ASTN2: variants seen among roughly 807,000 people sequenced by gnomAD.
The protein encoded by ASTN2 is astrotactin-2.
A neutral mutation model predicts 139.8 loss-of-function variants in ASTN2; 54 were observed. That is an observed-to-expected ratio of 0.39 (90% confidence interval 0.31 to 0.48). The LOEUF (loss-of-function observed/expected upper bound fraction) is 0.48. Ranked by LOEUF, ASTN2 falls within the 20% of genes least tolerant of loss-of-function variation. The pLI is 0.95. For synonymous variants in ASTN2, 756 were observed against 719.5 expected (o/e 1.05, Z -0.81); for missense variants, 1,565 against 1,725.1 (o/e 0.91, Z 1.64).
intron 4 of ASTN2, among the ~76,000 whole-genome samples, chr9:117,122,255 G>A (rs2132816408): frequency 6.6e-6 from 1 of 152,340 alleles, no homozygotes; most frequent in African/African-American, 2.4e-5. Context: ...GAAGTCATGA[G>A]CTGGTTCTGT....
chr9:116,446,494 G>A (rs1408363105), intron 20 of ASTN2, among the ~76,000 whole-genome samples: 2 of 152,116 alleles, frequency 1.3e-5, no homozygotes, highest in Non-Finnish European at 2.9e-5. Context: ...AAAATGACTT[G>A]CACAAAGACC....
At chr9:117,295,660 A>T (rs1834712310) in intron 1 of ASTN2, among the ~76,000 whole-genome samples, 1 of 152,074 alleles carries the variant, frequency 6.6e-6, no homozygotes, top group Non-Finnish European at 1.5e-5. Context: ...TCAGTGACTC[A>T]GTAACACACT....
rs574162391 is a variant in ASTN2 at position 116,431,575 on chromosome 9, TGGAGA to T, written c.3783-5492_3783-5488del. Among the ~76,000 whole-genome samples the T allele has an allele frequency of 9.1e-3, 1,384 of 152,260 alleles. 23 individuals carry two copies. The highest frequency in any genetic ancestry group is 0.031 in the African/African-American group (1,302 of 41,560). ...AAGCCTGCTGAGCTGAAAGCAGGAA[TGGAGA>T]GTGCCCATGGAAGAGAAGATTTAGG... On this transcript the variant is annotated intron_variant, in intron 22 of 22. Transcript: ENST00000313400.
At chr9:116,681,045 A>G (rs2132020135) in intron 16 of ASTN2, among the ~76,000 whole-genome samples, 1 of 152,310 alleles carries the variant, frequency 6.6e-6, no homozygotes, top group East Asian at 1.9e-4. Context: ...AGGAGAAGGA[A>G]ATAAAGGGTA....
chr9:117,302,894 G>T (rs1241133714), intron 1 of ASTN2, among the ~76,000 whole-genome samples: 2 of 152,182 alleles, frequency 1.3e-5, no homozygotes, highest in African/African-American at 2.4e-5. Flanking sequence ...TAAATCCATT[G>T]CTTATGGGAA....
intron 7 of ASTN2, among the ~76,000 whole-genome samples, chr9:116,989,602 T>G (rs76441223): frequency 6.7e-6 from 1 of 150,258 alleles, no homozygotes; most frequent in South Asian, 2.1e-4. Context: ...TTTTTTTTTT[T>G]GATGAAGTTT....
intron 1 of ASTN2, among the ~76,000 whole-genome samples, chr9:117,379,846 A>G (rs138681357): frequency 6.6e-6 from 1 of 152,208 alleles, no homozygotes; most frequent in East Asian, 1.9e-4. Flanking sequence ...TTCCATTAAC[A>G]TGGCTGAAAA....
At position 116,672,851 on chromosome 9, in the gene ASTN2, T is replaced by A. The variant is rs146845119; in HGVS notation, c.2807-21058A>T. Among the ~76,000 whole-genome samples the A allele has an allele frequency of 7.8e-3, 1,189 of 152,364 alleles. 11 individuals are homozygous for A. The highest frequency in any genetic ancestry group is 0.023 in the African/African-American group (964 of 41,588). The stretch of plus-strand genomic sequence containing the variant: ...GTCTGATTACAAAGCCCTCACTTTT[T>A]CTAGATAATGGTGTCCTTAATAAGC... On this transcript the variant is annotated intron_variant, in intron 16 of 22. Transcript: ENST00000313400.
chr9:116,999,391 C>G (rs1314961634), intron 7 of ASTN2, among the ~76,000 whole-genome samples: 1 of 151,894 alleles, frequency 6.6e-6, no homozygotes, highest in Non-Finnish European at 1.5e-5. Flanking sequence ...AAAGTATGTC[C>G]CCACTCATTG....
At chr9:116,497,262 C>T (rs73522431) in intron 19 of ASTN2, among the ~76,000 whole-genome samples, 2,007 of 152,288 alleles carry the variant, frequency 0.013, 41 homozygotes, top group African/African-American at 0.046. Flanking sequence ...CAGTCTCTGC[C>T]TTTAAGGAGT....
intron 1 of ASTN2, among the ~76,000 whole-genome samples, chr9:117,342,421 T>C (rs1362145800): frequency 6.6e-6 from 1 of 152,218 alleles, no homozygotes; most frequent in Admixed American, 6.5e-5. Flanking sequence ...AGAAATCATA[T>C]AGAACTTGGG....
intron 11 of ASTN2, among the ~76,000 whole-genome samples, chr9:116,836,596 GT>G (rs962927564): frequency 7.3e-5 from 11 of 151,488 alleles, no homozygotes; most frequent in African/African-American, 2.2e-4. Flanking sequence ...GTTTTGTTTT[GT>G]TTTGTTTTGT....
intron 19 of ASTN2, among the ~76,000 whole-genome samples, chr9:116,490,581 G>T (rs1484288009): frequency 2.0e-5 from 3 of 152,146 alleles, no homozygotes; most frequent in Non-Finnish European, 4.4e-5. Flanking sequence ...GGATTTAATT[G>T]ACTCATGGTT....
chr9:116,553,715 C>A (rs1247368164), intron 19 of ASTN2, among the ~76,000 whole-genome samples: 1 of 152,166 alleles, frequency 6.6e-6, no homozygotes, highest in Non-Finnish European at 1.5e-5. Flanking sequence ...GGGACCACAG[C>A]ACTTACCTAG....
chr9:117,134,289 TATATATACACACACACACACACACACAC>T (rs1438293678), intron 4 of ASTN2, among the ~76,000 whole-genome samples: 2 of 81,408 alleles, frequency 2.5e-5, no homozygotes, highest in Admixed American at 1.2e-4. Context: ...TATATATATA[TATATATACACACACACACACACACACAC>T]ACACACACAC....
chr9:117,354,558 T>C (rs970087769), intron 1 of ASTN2, among the ~76,000 whole-genome samples: 12 of 152,234 alleles, frequency 7.9e-5, no homozygotes, highest in African/African-American at 2.2e-4. Flanking sequence ...TGAGTAAGTA[T>C]CACAGCTCAT....
At chr9:116,514,787 C>G (rs1361054934) in intron 19 of ASTN2, among the ~76,000 whole-genome samples, 3 of 152,190 alleles carry the variant, frequency 2.0e-5, no homozygotes, top group African/African-American at 4.8e-5. Context: ...GCATGGGACC[C>G]TCTGATCCTG....
chr9:116,845,960 G>T (rs75552778), intron 11 of ASTN2, among the ~76,000 whole-genome samples: 231 of 152,190 alleles, frequency 1.5e-3, no homozygotes, highest in African/African-American at 5.3e-3. Context: ...AGCCTAAAAG[G>T]TAGGAACAAC....
chr9:117,305,691 T>C (rs751133204), intron 1 of ASTN2, among the ~76,000 whole-genome samples: 6 of 152,248 alleles, frequency 3.9e-5, no homozygotes, highest in Non-Finnish European at 2.9e-5. Context: ...CCTGGTAAAA[T>C]GTAACCACTT....
Sources: gnomAD v4.1 joint callset for allele counts (sites outside exome capture counted in the v4.1 genomes callset) on GRCh38, gnomAD v4.1.1 for gene constraint, MANE v1.5 for transcripts, NCBI Gene and HGNC (gene_info 2026-07-23, HGNC 2026-07-21) for gene names.